Variants in VPS13A observed in about 807,000 individuals in gnomAD.
VPS13A encodes the protein vacuolar protein sorting 13 homolog A, also known as intermembrane lipid transfer protein VPS13A.
A neutral mutation model predicts 390.9 loss-of-function variants in VPS13A; 264 were observed. The observed-to-expected ratio is 0.68, with a 90% CI of 0.61 to 0.75. The LOEUF (loss-of-function observed/expected upper bound fraction) is 0.75, where lower values mean the gene tolerates loss of function less well. Ranked by LOEUF, VPS13A falls within the 30% of genes least tolerant of loss-of-function variation. The probability of loss-of-function intolerance (pLI) is 0.00; values close to 1 mark genes in which losing one functional copy is unlikely to be tolerated. For missense variants in VPS13A, 3,409 were observed against 3,733.9 expected (o/e 0.91, Z 2.27); for synonymous variants, 1,231 against 1,227.1 (o/e 1.00, Z -0.07).
chr9:77,272,203 T>C (rs1217164236), intron 23 of VPS13A, among the ~76,000 whole-genome samples: 2 of 152,156 alleles, frequency 1.3e-5, no homozygotes, highest in African/African-American at 4.8e-5. Context: ...CCAATGAGAC[T>C]GATATAATTT....
chr9:77,309,958 A>G (rs12338999), intron 35 of VPS13A, among the ~76,000 whole-genome samples: 30,530 of 152,052 alleles, frequency 0.2, 3,272 homozygotes, highest in Middle Eastern at 0.26. Flanking sequence ...TTTATCATCA[A>G]TAAAACATGA....
intron 23 of VPS13A, among the ~76,000 whole-genome samples, chr9:77,270,509 G>A (rs1826285987): frequency 6.6e-6 from 1 of 152,114 alleles, no homozygotes; most frequent in African/African-American, 2.4e-5. Context: ...TGGCCAACAC[G>A]ATGAAATCCC....
chr9:77,381,445 C>A (rs979374902), intron 67 of VPS13A, among the ~76,000 whole-genome samples: 5 of 151,880 alleles, frequency 3.3e-5, no homozygotes, highest in African/African-American at 1.2e-4. Context: ...GGAAAATATA[C>A]CATGTGATCA....
chr9:77,322,388 A>G (rs1257104473), intron 44 of VPS13A, among the ~76,000 whole-genome samples: 1 of 151,958 alleles, frequency 6.6e-6, no homozygotes, highest in East Asian at 1.9e-4. Flanking sequence ...GCATTTAAGT[A>G]ATTATTGAGG....
chr9:77,360,731 A>C (rs1832097794), intron 59 of VPS13A, 90 bp downstream of exon 59: 11 of 975,782 alleles, frequency 1.1e-5, no homozygotes, highest in Non-Finnish European at 1.6e-5. Flanking sequence ...ACTTTGTTGC[A>C]TTTTAAAAAT....
At chr9:77,268,468 G>A (rs996264821) in intron 23 of VPS13A, among the ~76,000 whole-genome samples, 4 of 152,098 alleles carry the variant, frequency 2.6e-5, no homozygotes, top group African/African-American at 4.8e-5. Context: ...CTCGCCCTCC[G>A]TTGGTTGCAT....
intron 35 of VPS13A, among the ~76,000 whole-genome samples, chr9:77,310,706 A>C (rs1490944107): frequency 6.6e-6 from 1 of 152,234 alleles, no homozygotes; most frequent in African/African-American, 2.4e-5. Context: ...GATAACTTAG[A>C]AGTAAAGACA....
intron 45 of VPS13A, among the ~76,000 whole-genome samples, chr9:77,327,877 G>T (rs1201113327): frequency 1.3e-5 from 2 of 152,046 alleles, no homozygotes; most frequent in Non-Finnish European, 2.9e-5. Context: ...GGAACCAGCT[G>T]TTAATTTTGA....
chr9:77,328,252 T>C (rs1333587523), intron 45 of VPS13A, among the ~76,000 whole-genome samples: 1 of 152,158 alleles, frequency 6.6e-6, no homozygotes, highest in African/African-American at 2.4e-5. Flanking sequence ...TCCCTGAGAA[T>C]AGGTCTCAGT....
intron 45 of VPS13A, among the ~76,000 whole-genome samples, chr9:77,324,415 C>T (rs574244633): frequency 1.3e-4 from 20 of 152,210 alleles, no homozygotes; most frequent in South Asian, 1.0e-3. Flanking sequence ...AGGTTGTAAA[C>T]GTTCCCTTCT....
rs115110173 is a variant in VPS13A at position 77,369,425 on chromosome 9, T to C, written c.8667+13T>C. The stretch of plus-strand genomic sequence containing the variant: ...TGAACCTTACCAGGTAAAATAGTTA[T>C]TTTTGTGGTTGTGCAATATGTCACT... On this transcript the variant is annotated intron_variant, in intron 63 of 71. Coordinates refer to ENST00000360280, the MANE Select transcript of VPS13A (RefSeq NM_033305.3). 2 of 1,519,564 alleles carry C rather than the reference T, an allele frequency of 1.3e-6. No individual in the cohort carries two copies. The highest frequency in any genetic ancestry group is 1.4e-5 in the African/African-American group (1 of 73,102). 94.1% of individuals were successfully genotyped at this position (1,519,564 alleles called of 1,614,324 possible).
At chr9:77,333,448 T>TTTTTTA (rs1830382153) in intron 46 of VPS13A, among the ~76,000 whole-genome samples, 1 of 130,842 alleles carries the variant, frequency 7.6e-6, no homozygotes, top group Non-Finnish European at 1.6e-5. Context: ...TTTTTTTTTT[T>TTTTTTA]GAGATGGAGT....
At chr9:77,195,629 C>T (rs1332609090) in intron 1 of VPS13A, among the ~76,000 whole-genome samples, 1 of 151,984 alleles carries the variant, frequency 6.6e-6, no homozygotes, top group Non-Finnish European at 1.5e-5. Flanking sequence ...CCCAGCTACT[C>T]AGGAGGCTGA....
intron 26 of VPS13A, 53 bp downstream of exon 26, chr9:77,276,274 C>T: frequency 1.4e-6 from 2 of 1,450,066 alleles, no homozygotes; most frequent in Non-Finnish European, 9.3e-7. Context: ...GTTTGACTAC[C>T]TGCTAGAGAG....
intron 67 of VPS13A, among the ~76,000 whole-genome samples, chr9:77,378,684 C>T (rs1285771455): frequency 1.3e-5 from 2 of 151,606 alleles, no homozygotes; most frequent in Non-Finnish European, 2.9e-5. Context: ...TTTCTATTCT[C>T]TATTTCTTTT....
intron 71 of VPS13A, among the ~76,000 whole-genome samples, chr9:77,413,815 G>C (rs911992089): frequency 6.6e-6 from 1 of 152,100 alleles, no homozygotes; most frequent in Non-Finnish European, 1.5e-5. Context: ...CAACCTACAG[G>C]ATGGGAGAAA....
intron 70 of VPS13A, 113 bp from the exon 71 acceptor site, chr9:77,407,417 CATG>C: frequency 1.3e-6 from 1 of 777,872 alleles, no homozygotes; most frequent in Non-Finnish European, 2.2e-6. Context: ...TTTTAAGGTG[CATG>C]ATTTGTATAA....
intron 5 of VPS13A, among the ~76,000 whole-genome samples, chr9:77,208,522 A>G (rs1191645240): frequency 1.3e-5 from 2 of 151,964 alleles, no homozygotes; most frequent in Non-Finnish European, 2.9e-5. Flanking sequence ...AAAATTAGGA[A>G]CCTCAATTCT....
intron 68 of VPS13A, among the ~76,000 whole-genome samples, chr9:77,391,350 T>C (rs1833888647): frequency 6.6e-6 from 1 of 152,214 alleles, no homozygotes; most frequent in Admixed American, 6.5e-5. Context: ...ATTAGCCAAA[T>C]GTCCTGTGAA....
Sources: gnomAD v4.1 joint callset for allele counts (sites outside exome capture counted in the v4.1 genomes callset) on GRCh38, gnomAD v4.1.1 for gene constraint, MANE v1.5 for transcripts, NCBI Gene and HGNC (gene_info 2026-07-23, HGNC 2026-07-21) for gene names.